The following CLMN variants were observed in gnomAD, a reference collection of about 807,000 sequenced individuals.
CLMN encodes calmin, also known as calmin (calponin-like, transmembrane).
A neutral mutation model predicts 92.7 loss-of-function variants in CLMN; 57 were observed. The ratio of observed to expected loss-of-function variants is 0.61; its 90% CI spans 0.50 to 0.77. The LOEUF is 0.77. Among genes scored for constraint, CLMN ranks in the 30% least tolerant of loss-of-function variants. The pLI is 0.00. For synonymous variants in CLMN, 466 were observed against 470.6 expected, an observed-to-expected ratio of 0.99 and a Z score of 0.13; for missense variants, 1,158 against 1,237.5, an observed-to-expected ratio of 0.94 and a Z score of 0.96.
chr14:95,210,671 G>T lies in CLMN; in HGVS notation c.802+15C>A. 2 of 1,597,028 alleles carry T rather than the reference G, an allele frequency of 1.3e-6. No homozygotes were observed. The highest frequency in any genetic ancestry group is 2.3e-5 in the South Asian group (2 of 87,662). On this transcript the variant is annotated intron_variant, in intron 7 of 12. Transcript: ENST00000298912. ...AAAAAAAAATTATTAGAAAGAAAGA[G>T]AGAACCACTGCTACCTTCTGGCTCC...
At chr14:95,239,522 A>C (rs568320283) in intron 1 of CLMN, among the ~76,000 whole-genome samples, 74 of 152,286 alleles carry the variant, frequency 4.9e-4, no homozygotes, top group African/African-American at 1.7e-3. Context: ...TTTTAATCCC[A>C]ATGTTTTTGT....
chr14:95,233,171 G>A (rs1253126938), intron 1 of CLMN, among the ~76,000 whole-genome samples: 3 of 152,208 alleles, frequency 2.0e-5, no homozygotes, highest in African/African-American at 7.2e-5. Flanking sequence ...GCTTCAGAGA[G>A]AGCAAAGTAT....
At chr14:95,236,556 T>A (rs1214719583) in intron 1 of CLMN, among the ~76,000 whole-genome samples, 1 of 152,054 alleles carries the variant, frequency 6.6e-6, no homozygotes, top group East Asian at 1.9e-4. Context: ...CTGCTCCACA[T>A]CCTGCCATGC....
Position 95,233,655 on chromosome 14 carries a change from T to A in CLMN, c.83-3522A>T, listed in dbSNP as rs77069571. 8.9e-4 allele frequency among the ~76,000 whole-genome samples: 135 copies of A among 151,994 alleles called. 2 individuals are homozygous for A. The East Asian group carries it at 0.022, about 24-fold the overall frequency. ...CACAAGGTGTATATGCAAGGAGAAA[T>A]GGATTAGAATGCTGAAGGCTGACAG... On this transcript the variant is annotated intron_variant, in intron 1 of 12. Coordinates refer to ENST00000298912, the MANE Select transcript of CLMN (RefSeq NM_024734.4).
intron 1 of CLMN, among the ~76,000 whole-genome samples, chr14:95,295,277 T>TG (rs1189968656): frequency 1.3e-5 from 2 of 152,172 alleles, no homozygotes; most frequent in Non-Finnish European, 2.9e-5. Flanking sequence ...GGGTAGCCAC[T>TG]GGAAAGGGTA....
chr14:95,304,456 T>C (rs1901189100), intron 1 of CLMN, among the ~76,000 whole-genome samples: 1 of 151,946 alleles, frequency 6.6e-6, no homozygotes, highest in Non-Finnish European at 1.5e-5. Flanking sequence ...GTGGCAGGTA[T>C]CTCTGGAAAT....
intron 1 of CLMN, among the ~76,000 whole-genome samples, chr14:95,305,123 C>T (rs1370651507): frequency 3.3e-5 from 5 of 152,224 alleles, no homozygotes; most frequent in Admixed American, 2.6e-4. Context: ...ACCCAGTGTG[C>T]GCCAGGCCCT....
intron 1 of CLMN, among the ~76,000 whole-genome samples, chr14:95,309,641 C>G (rs576732148): frequency 1.3e-5 from 2 of 152,230 alleles, no homozygotes; most frequent in African/African-American, 2.4e-5. Flanking sequence ...GAAGCCTCCC[C>G]GAGTTCTCCA....
At chr14:95,260,310 C>T (rs540031481) in intron 1 of CLMN, among the ~76,000 whole-genome samples, 17 of 152,122 alleles carry the variant, frequency 1.1e-4, no homozygotes, top group Admixed American at 8.5e-4. Context: ...GGCGAGGTGG[C>T]GGGCGCCTGT....
At chr14:95,277,557 T>G (rs530153380) in intron 1 of CLMN, among the ~76,000 whole-genome samples, 44 of 152,372 alleles carry the variant, frequency 2.9e-4, no homozygotes, top group Admixed American at 1.2e-3. Context: ...AGGCTCCTTC[T>G]GGGGAGGTCA....
intron 1 of CLMN, among the ~76,000 whole-genome samples, chr14:95,292,337 T>A (rs1349664868): frequency 6.6e-6 from 1 of 152,156 alleles, no homozygotes; most frequent in Non-Finnish European, 1.5e-5. Flanking sequence ...ATGCTATTTT[T>A]AAAAGTCTCC....
chr14:95,244,127 C>T (rs919278238), intron 1 of CLMN, among the ~76,000 whole-genome samples: 4 of 152,172 alleles, frequency 2.6e-5, no homozygotes, highest in East Asian at 1.9e-4. Context: ...GCCATGCTTC[C>T]TATACAGCCT....
At chr14:95,308,987 G>A (rs1249348210) in intron 1 of CLMN, among the ~76,000 whole-genome samples, 1 of 152,122 alleles carries the variant, frequency 6.6e-6, no homozygotes, top group Non-Finnish European at 1.5e-5. Flanking sequence ...TACTGGTTTC[G>A]TAAACCTACC....
chr14:95,271,730 A>G (rs1899718088), intron 1 of CLMN, among the ~76,000 whole-genome samples: 1 of 152,214 alleles, frequency 6.6e-6, no homozygotes, highest in Non-Finnish European at 1.5e-5. Flanking sequence ...TAGCCTGTAT[A>G]TCTATCTGCA....
At chr14:95,290,450 G>A (rs566516812) in intron 1 of CLMN, among the ~76,000 whole-genome samples, 2 of 152,294 alleles carry the variant, frequency 1.3e-5, no homozygotes, top group South Asian at 2.1e-4. Flanking sequence ...GAAGACAGAG[G>A]GAGATGTGAT....
chr14:95,296,152 G>C (rs1595107459), intron 1 of CLMN: 4 of 152,320 alleles, frequency 2.6e-5, no homozygotes, highest in Admixed American at 2.6e-4. Context: ...AGGCTGGGCA[G>C]TCCAAGAACA....
chr14:95,205,268 T>C (rs1288460107), intron 8 of CLMN, among the ~76,000 whole-genome samples: 2 of 152,248 alleles, frequency 1.3e-5, no homozygotes, highest in African/African-American at 4.8e-5. Flanking sequence ...CTATTGTTCT[T>C]TTATATACCA....
chr14:95,311,626 G>A (rs1037379182), intron 1 of CLMN, among the ~76,000 whole-genome samples: 5 of 152,128 alleles, frequency 3.3e-5, no homozygotes, highest in Non-Finnish European at 2.9e-5. Context: ...TAAAAAGAGG[G>A]ACAGAAATAA....
intron 7 of CLMN, among the ~76,000 whole-genome samples, chr14:95,210,271 C>T (rs576616068): frequency 3.0e-4 from 46 of 151,870 alleles, no homozygotes; most frequent in African/African-American, 9.7e-4. Flanking sequence ...AGGCTGGTCT[C>T]GAACTCCTGA....
Sources: gnomAD v4.1 joint callset for allele counts (sites outside exome capture counted in the v4.1 genomes callset) on GRCh38, gnomAD v4.1.1 for gene constraint, MANE v1.5 for transcripts, NCBI Gene and HGNC (gene_info 2026-07-23, HGNC 2026-07-21) for gene names.